OCA2: variants seen among roughly 807,000 people sequenced by gnomAD.
OCA2 encodes P protein.
Under a neutral mutation model 100.2 loss-of-function variants are expected in OCA2, and 77 were observed. That is an observed-to-expected ratio of 0.77 (90% CI 0.64 to 0.93). The LOEUF (loss-of-function observed/expected upper bound fraction) is 0.93, where lower values mean the gene tolerates loss of function less well. Ranked by LOEUF, OCA2 falls within the 40% of genes least tolerant of loss-of-function variation. The pLI is 0.00. For missense variants in OCA2, 1,062 were observed against 1,089.1 expected (o/e 0.98, Z 0.35); for synonymous variants, 432 against 439.2 (o/e 0.98, Z 0.21).
chr15:27,866,151 A>G (rs1333619692), intron 21 of OCA2, among the ~76,000 whole-genome samples: 1 of 152,186 alleles, frequency 6.6e-6, no homozygotes, highest in African/African-American at 2.4e-5. Flanking sequence ...GCAGATCCAG[A>G]GAAAGGACCA....
chr15:27,728,397 T>A, the OCA2 span, among the ~76,000 whole-genome samples: 2 of 133,482 alleles, frequency 1.5e-5, no homozygotes, highest in East Asian at 3.9e-4. Context: ...TCTTACCCCC[T>A]TTTTTTTTTC....
At chr15:27,861,408 G>C (rs1208268020) in intron 21 of OCA2, among the ~76,000 whole-genome samples, 11 of 152,200 alleles carry the variant, frequency 7.2e-5, no homozygotes, top group Admixed American at 7.2e-4. Context: ...GCCCAGGAGA[G>C]GTTGCTGTGG....
At chr15:27,805,882 G>C (rs748063331) in intron 23 of OCA2, among the ~76,000 whole-genome samples, 7 of 152,292 alleles carry the variant, frequency 4.6e-5, no homozygotes, top group Non-Finnish European at 1.0e-4. Flanking sequence ...AAGGCCACAG[G>C]GCAGGGGAGC....
rs766094007 is a variant in OCA2, at chr15:27,951,907, C to T, written c.1843-15G>A. ...GATATCCTATGCTGTAAGAGAGAAA[C>T]CACAGCTCATTTACTCTGCACAACC... is the stretch of plus-strand genomic sequence containing the variant. On this transcript the variant is annotated splice_polypyrimidine_tract_variant and intron_variant, in intron 17 of 23. Coordinates refer to ENST00000354638, the MANE Select transcript of OCA2 (RefSeq NM_000275.3). 3.6e-5 allele frequency: 56 copies of T among 1,555,718 alleles called. No homozygotes were observed. In the Middle Eastern group the frequency reaches 6.7e-4, roughly 19 times the overall value.
chr15:27,924,016 A>T (rs2594922), intron 19 of OCA2, among the ~76,000 whole-genome samples: 97,204 of 151,982 alleles, frequency 0.64, 31,688 homozygotes, highest in East Asian at 0.96. Flanking sequence ...CTTTAATCCA[A>T]CTTGAGTTGA....
chr15:27,987,550 T>C (rs1244141050), intron 11 of OCA2, among the ~76,000 whole-genome samples: 1 of 113,526 alleles, frequency 8.8e-6, no homozygotes, highest in Admixed American at 9.3e-5. Flanking sequence ...AAACCCCATC[T>C]CTACTAAAAA....
intron 21 of OCA2, 118 bp downstream of exon 21, chr15:27,871,036 C>T (rs2036547353): frequency 2.5e-6 from 2 of 803,788 alleles, no homozygotes; most frequent in Non-Finnish European, 4.3e-6. Flanking sequence ...TCGTCCTCTA[C>T]ACCTGTGAGT....
At chr15:28,070,053 C>T (rs1265099164) in intron 2 of OCA2, among the ~76,000 whole-genome samples, 5 of 112,322 alleles carry the variant, frequency 4.5e-5, no homozygotes, top group African/African-American at 2.0e-4. Context: ...TCTGCCCCGC[C>T]GCCCCATCTG....
chr15:27,844,657 C>A (rs563078036), intron 23 of OCA2, among the ~76,000 whole-genome samples: 1 of 152,102 alleles, frequency 6.6e-6, no homozygotes, highest in African/African-American at 2.4e-5. Context: ...TGCTGCCATG[C>A]CCAGCTAATT....
chr15:28,035,910 T>C (rs1415937481), intron 2 of OCA2, among the ~76,000 whole-genome samples: 1 of 151,974 alleles, frequency 6.6e-6, no homozygotes, highest in Non-Finnish European at 1.5e-5. Context: ...AGATACCCAA[T>C]GTTAACATTT....
intron 23 of OCA2, among the ~76,000 whole-genome samples, chr15:27,825,039 A>C (rs1455191676): frequency 6.6e-6 from 1 of 152,204 alleles, no homozygotes; most frequent in Non-Finnish European, 1.5e-5. Context: ...CTGATCTGTG[A>C]CTTGAATAAT....
At chr15:27,871,046 T>A (rs2036547821) in intron 21 of OCA2, 108 bp downstream of exon 21, 1 of 839,706 alleles carries the variant, frequency 1.2e-6, no homozygotes, top group Non-Finnish European at 2.0e-6. Flanking sequence ...CACCTGTGAG[T>A]GCAGCAGAGG....
At chr15:27,796,132 T>C (rs1241968234) in intron 23 of OCA2, among the ~76,000 whole-genome samples, 1 of 152,234 alleles carries the variant, frequency 6.6e-6, no homozygotes, top group Non-Finnish European at 1.5e-5. Context: ...GTTCTGCTGA[T>C]TCACACATCT....
At chr15:28,022,999 A>G (rs1027791966) in intron 5 of OCA2, among the ~76,000 whole-genome samples, 1 of 152,170 alleles carries the variant, frequency 6.6e-6, no homozygotes, top group African/African-American at 2.4e-5. Context: ...AGAAGTTCAA[A>G]TCATTCCTCA....
intron 1 of OCA2, among the ~76,000 whole-genome samples, chr15:28,095,272 C>G (rs1323202097): frequency 6.6e-6 from 1 of 152,148 alleles, no homozygotes; most frequent in African/African-American, 2.4e-5. Context: ...CCCAGCCAGG[C>G]CGCCCTGCGC....
intron 21 of OCA2, among the ~76,000 whole-genome samples, chr15:27,864,498 C>T (rs923482178): frequency 6.6e-6 from 1 of 152,108 alleles, no homozygotes; most frequent in Non-Finnish European, 1.5e-5. Context: ...TGAAAGAGTG[C>T]TCTCCTGTGC....
At chr15:27,803,674 C>T (rs2033705670) in intron 23 of OCA2, among the ~76,000 whole-genome samples, 1 of 152,068 alleles carries the variant, frequency 6.6e-6, no homozygotes, top group African/African-American at 2.4e-5. Context: ...GATGGTTGCA[C>T]AATAATATGA....
At chr15:27,926,048 G>C (rs1595660554) in intron 19 of OCA2, 79 bp downstream of exon 19, 4 of 1,491,114 alleles carry the variant, frequency 2.7e-6, no homozygotes, top group Non-Finnish European at 3.7e-6. Context: ...ATAGATGTAG[G>C]CTTTCTTCAT....
At chr15:27,916,414 G>C (rs754629043) in intron 19 of OCA2, among the ~76,000 whole-genome samples, 8 of 151,874 alleles carry the variant, frequency 5.3e-5, no homozygotes, top group Admixed American at 2.0e-4. Context: ...TTCTTCTAAG[G>C]GTAAACATGT....
Sources: allele counts gnomAD v4.1 joint callset (sites outside exome capture counted in the v4.1 genomes callset), GRCh38; gene constraint gnomAD v4.1.1; transcripts MANE v1.5; gene names NCBI Gene and HGNC (gene_info 2026-07-23, HGNC 2026-07-21).